Variants in MYBPC1 observed in about 807,000 individuals in gnomAD.
The protein encoded by MYBPC1 is myosin-binding protein C, slow-type.
In MYBPC1, 52 loss-of-function variants were observed where a neutral mutation model predicts 147.1. That is an observed-to-expected ratio of 0.35 (90% CI 0.28 to 0.45). MYBPC1 has a LOEUF of 0.45. Among genes scored for constraint, MYBPC1 ranks in the 20% least tolerant of loss-of-function variants. The pLI, the probability that MYBPC1 is intolerant of heterozygous loss-of-function variation, is 1.00. For synonymous variants in MYBPC1, 477 were observed against 475.9 expected, an observed-to-expected ratio of 1.00 and a Z score of -0.03; for missense variants, 1,228 against 1,440.3, an observed-to-expected ratio of 0.85 and a Z score of 2.39.
downstream of MYBPC1, among the ~76,000 whole-genome samples, chr12:101,686,521 T>A (rs148825163): frequency 7.8e-3 from 1,183 of 152,360 alleles, 16 homozygotes; most frequent in African/African-American, 0.027. Flanking sequence ...CTGAGAAACA[T>A]TTATACTAAC....
intron 18 of MYBPC1, among the ~76,000 whole-genome samples, chr12:101,659,361 G>A (rs1039065435): frequency 6.6e-6 from 1 of 152,194 alleles, no homozygotes; most frequent in Non-Finnish European, 1.5e-5. Context: ...TTGGTGGCTA[G>A]TGGGCTTTGG....
At chr12:101,669,697 G>A (rs758478985) in intron 23 of MYBPC1, among the ~76,000 whole-genome samples, 4 of 152,140 alleles carry the variant, frequency 2.6e-5, no homozygotes, top group Admixed American at 2.0e-4. Flanking sequence ...AGCACTTTGG[G>A]AGACTAAGGC....
chr12:101,609,866 A>G (rs1207011532), intron 1 of MYBPC1, among the ~76,000 whole-genome samples: 3 of 152,214 alleles, frequency 2.0e-5, no homozygotes, highest in Non-Finnish European at 2.9e-5. Flanking sequence ...TTTAGGTTGC[A>G]AGGATGCTCC....
intron 16 of MYBPC1, among the ~76,000 whole-genome samples, chr12:101,652,092 G>A (rs1894591865): frequency 6.6e-6 from 1 of 152,184 alleles, no homozygotes; most frequent in South Asian, 2.1e-4. Context: ...ATCTGGCAAA[G>A]ATCTAAGGCA....
intron 24 of MYBPC1, among the ~76,000 whole-genome samples, chr12:101,671,495 C>A (rs182136768): frequency 1.7e-3 from 264 of 152,306 alleles, no homozygotes; most frequent in Middle Eastern, 6.8e-3. Flanking sequence ...GTACTACATA[C>A]CCCCGGCATG....
chr12:101,690,906 A>G (rs1257071129), downstream of MYBPC1, among the ~76,000 whole-genome samples: 6 of 152,330 alleles, frequency 3.9e-5, 1 homozygote, highest in East Asian at 7.7e-4. Flanking sequence ...CGAAACTATA[A>G]AAGTATAAAA....
intron 3 of MYBPC1, 73 bp downstream of exon 3, chr12:101,617,316 C>T: frequency 6.8e-7 from 1 of 1,462,002 alleles, no homozygotes; most frequent in Non-Finnish European, 9.6e-7. Context: ...TAATGATTGT[C>T]ATGGTGGCTC....
At chr12:101,693,712 T>C in the MYBPC1 span, among the ~76,000 whole-genome samples, 1 of 151,926 alleles carries the variant, frequency 6.6e-6, no homozygotes, top group East Asian at 1.9e-4. Flanking sequence ...CACTCCAGCC[T>C]GGGTGACAGA....
Position 101,617,187 on chromosome 12 carries a change from G to A in MYBPC1, c.62-15G>A, listed in dbSNP as rs1414742122. 11 of 1,613,498 alleles carry A rather than the reference G, an allele frequency of 6.8e-6. No individual in the cohort carries two copies. The South Asian group carries it at 8.8e-5, about 13-fold the overall frequency. ...TTAAGGCACTTTAAAAAATATGCTT[G>A]TACTTTCTACACAGAACCAAGTAAA... On this transcript the variant is annotated splice_polypyrimidine_tract_variant and intron_variant, in intron 2 of 31. Transcript: ENST00000361466.
intron 1 of MYBPC1, among the ~76,000 whole-genome samples, chr12:101,595,984 A>C (rs1877097020): frequency 6.6e-6 from 1 of 152,032 alleles, no homozygotes; most frequent in Admixed American, 6.5e-5. Context: ...TCTTTTAAAA[A>C]TATTATTTCA....
chr12:101,621,258 T>C (rs1593720836), intron 3 of MYBPC1, among the ~76,000 whole-genome samples: 1 of 152,182 alleles, frequency 6.6e-6, no homozygotes, highest in Non-Finnish European at 1.5e-5. Flanking sequence ...TTGTTAAAAA[T>C]TAATGTCACC....
intron 6 of MYBPC1, 32 bp downstream of exon 6, chr12:101,629,576 TA>T (rs749746949): frequency 1.1e-5 from 17 of 1,531,764 alleles, no homozygotes; most frequent in Admixed American, 3.4e-5. Flanking sequence ...CTTCCTTTTT[TA>T]AAAAATTAAG....
chr12:101,607,801 G>T (rs1329677449), intron 1 of MYBPC1, among the ~76,000 whole-genome samples: 2 of 152,134 alleles, frequency 1.3e-5, no homozygotes, highest in African/African-American at 2.4e-5. Context: ...GTTTTGTTTT[G>T]TTTTATGTGT....
At chr12:101,682,065 T>C (rs1951038433) in intron 29 of MYBPC1, among the ~76,000 whole-genome samples, 1 of 152,172 alleles carries the variant, frequency 6.6e-6, no homozygotes, top group Non-Finnish European at 1.5e-5. Context: ...CCTTACAAAT[T>C]TAAACATTTT....
intron 26 of MYBPC1, among the ~76,000 whole-genome samples, chr12:101,676,149 C>A (rs1193244636): frequency 6.6e-6 from 1 of 152,126 alleles, no homozygotes; most frequent in African/African-American, 2.4e-5. Flanking sequence ...TGGCCCAAGA[C>A]AATTCTTTTT....
chr12:101,674,862 CAAAAA>C (rs62824364), intron 25 of MYBPC1, among the ~76,000 whole-genome samples: 2 of 59,866 alleles, frequency 3.3e-5, no homozygotes, highest in East Asian at 4.0e-4. Context: ...ACTCTGTCTC[CAAAAA>C]AAAAAAAAAA....
chr12:101,675,478 C>T, intron 26 of MYBPC1, 47 bp downstream of exon 26: 1 of 1,612,756 alleles, frequency 6.2e-7, no homozygotes, highest in Non-Finnish European at 8.5e-7. Flanking sequence ...AGGCACATTT[C>T]ATCAGAGGTA....
chr12:101,609,182 G>A (rs551734174), intron 1 of MYBPC1, among the ~76,000 whole-genome samples: 10 of 152,272 alleles, frequency 6.6e-5, no homozygotes, highest in Admixed American at 2.6e-4. Flanking sequence ...AGTGGAACGG[G>A]TGATATTTAG....
intron 12 of MYBPC1, among the ~76,000 whole-genome samples, chr12:101,646,471 C>T (rs1475215746): frequency 6.6e-6 from 1 of 152,060 alleles, no homozygotes; most frequent in Non-Finnish European, 1.5e-5. Flanking sequence ...TGGTGAGACT[C>T]AGTCTTACAA....
Sources: gnomAD v4.1 joint callset for allele counts (sites outside exome capture counted in the v4.1 genomes callset) on GRCh38, gnomAD v4.1.1 for gene constraint, MANE v1.5 for transcripts, NCBI Gene and HGNC (gene_info 2026-07-23, HGNC 2026-07-21) for gene names.